The following DSCAM variants were observed in gnomAD, a reference collection of about 807,000 sequenced individuals.
DSCAM encodes DS cell adhesion molecule, also known as cell adhesion molecule DSCAM.
Under a neutral mutation model 217.7 loss-of-function variants are expected in DSCAM, and 47 were observed. That is an observed-to-expected ratio of 0.22 (90% CI 0.17 to 0.28). The LOEUF is 0.28. Ranked by LOEUF, DSCAM falls within the 10% of genes least tolerant of loss-of-function variation. The probability of loss-of-function intolerance (pLI) is 1.00; values close to 1 mark genes in which losing one functional copy is unlikely to be tolerated. For missense variants in DSCAM, 2,080 were observed against 2,618.3 expected, an observed-to-expected ratio of 0.79 and a Z score of 4.49; for synonymous variants, 1,056 against 1,015.3, an observed-to-expected ratio of 1.04 and a Z score of -0.76.
intron 1 of DSCAM, among the ~76,000 whole-genome samples, chr21:40,735,939 T>C (rs1016235787): frequency 9.9e-5 from 15 of 152,024 alleles, no homozygotes; most frequent in African/African-American, 1.7e-4. Context: ...TTCCCCGAGA[T>C]TGCCCTCACT....
chr21:40,831,205 T>A (rs1042587100), intron 1 of DSCAM, among the ~76,000 whole-genome samples: 1 of 152,240 alleles, frequency 6.6e-6, no homozygotes, highest in African/African-American at 2.4e-5. Context: ...AGAAGGCAAA[T>A]GTCCTTTCTC....
At chr21:40,598,502 T>TG (rs1171214661) in intron 3 of DSCAM, among the ~76,000 whole-genome samples, 1 of 132,196 alleles carries the variant, frequency 7.6e-6, no homozygotes, top group Non-Finnish European at 1.6e-5. Flanking sequence ...AAACTGTTTT[T>TG]TTTTTTTTTT....
At chr21:40,426,003 G>A (rs375760308) in intron 3 of DSCAM, among the ~76,000 whole-genome samples, 7 of 152,266 alleles carry the variant, frequency 4.6e-5, no homozygotes, top group East Asian at 3.9e-4. Flanking sequence ...TTGCTTGCTG[G>A]TCAATCAAGA....
At chr21:40,022,615 C>A (rs755517481) in intron 32 of DSCAM, among the ~76,000 whole-genome samples, 1 of 152,132 alleles carries the variant, frequency 6.6e-6, no homozygotes, top group African/African-American at 2.4e-5. Context: ...CATTGGCACC[C>A]GCTGAGGCAG....
intron 3 of DSCAM, among the ~76,000 whole-genome samples, chr21:40,482,879 T>C (rs553930320): frequency 1.3e-5 from 2 of 152,222 alleles, no homozygotes; most frequent in African/African-American, 4.8e-5. Flanking sequence ...GATGTGTGCT[T>C]GAACATGAGG....
Position 40,458,331 on chromosome 21 carries a change from A to G in DSCAM, c.509-89086T>C, listed in dbSNP as rs374483729. Among the ~76,000 whole-genome samples, 316 of 152,242 alleles carry G rather than the reference A, an allele frequency of 2.1e-3. 2 individuals are homozygous for G. Among genetic ancestry groups the G allele is most frequent in the South Asian group, 0.01 (49 of 4,826 alleles). ...TATCAGGATTTATGACCAAGAATTC[A>G]CTCTTGAATTACAAAGGAAACAAAA... is the stretch of plus-strand genomic sequence containing the variant. On this transcript the variant is annotated intron_variant, in intron 3 of 32. Coordinates refer to ENST00000400454, the MANE Select transcript of DSCAM (RefSeq NM_001389.5).
At chr21:40,109,844 C>A (rs890034786) in intron 20 of DSCAM, among the ~76,000 whole-genome samples, 6 of 152,212 alleles carry the variant, frequency 3.9e-5, no homozygotes, top group Admixed American at 2.0e-4. Context: ...TGAGATCAAA[C>A]TGCAAGGTGG....
chr21:40,746,300 T>A (rs1416982875), intron 1 of DSCAM, among the ~76,000 whole-genome samples: 1 of 149,996 alleles, frequency 6.7e-6, no homozygotes, highest in Non-Finnish European at 1.5e-5. Context: ...ATATGCTGTC[T>A]ACAAGAGATC....
intron 32 of DSCAM, among the ~76,000 whole-genome samples, chr21:40,035,626 G>A (rs568931348): frequency 2.0e-5 from 3 of 147,200 alleles, no homozygotes; most frequent in Admixed American, 2.0e-4. Context: ...AGTCAACAAG[G>A]ATACCCAGGA....
chr21:40,647,200 T>C (rs535454594), intron 3 of DSCAM, among the ~76,000 whole-genome samples: 2 of 152,350 alleles, frequency 1.3e-5, no homozygotes, highest in East Asian at 3.9e-4. Context: ...ATGTCTACAC[T>C]AATCATAGCT....
At chr21:40,683,891 G>C (rs185288010) in intron 3 of DSCAM, among the ~76,000 whole-genome samples, 1 of 152,042 alleles carries the variant, frequency 6.6e-6, no homozygotes, top group African/African-American at 2.4e-5. Context: ...ATACAGACGC[G>C]GGCGCAAAAA....
intron 9 of DSCAM, among the ~76,000 whole-genome samples, chr21:40,303,442 C>T (rs972516711): frequency 1.8e-4 from 27 of 152,108 alleles, no homozygotes; most frequent in Middle Eastern, 3.2e-3. Flanking sequence ...AGAAAGCCTT[C>T]CCCTGCCCAG....
intron 3 of DSCAM, among the ~76,000 whole-genome samples, chr21:40,589,327 C>T (rs1015836726): frequency 1.3e-5 from 2 of 152,182 alleles, no homozygotes; most frequent in South Asian, 2.1e-4. Context: ...CCTGTAATCC[C>T]GGCACTTTGG....
intron 4 of DSCAM, among the ~76,000 whole-genome samples, chr21:40,360,295 G>C (rs905096785): frequency 1.3e-5 from 2 of 151,750 alleles, no homozygotes; most frequent in African/African-American, 4.8e-5. Context: ...ACCACGCCCG[G>C]CTAATTTTTT....
chr21:40,817,650 T>C (rs2091891465), intron 1 of DSCAM, among the ~76,000 whole-genome samples: 1 of 152,206 alleles, frequency 6.6e-6, no homozygotes, highest in Non-Finnish European at 1.5e-5. Context: ...CTCCCAAGAC[T>C]TAAAAATCTC....
Position 40,348,897 on chromosome 21 carries a change from T to C in DSCAM, c.935-952A>G, listed in dbSNP as rs1047190920. ...TGGCTCACACCTGTAATCCCAGCAC[T>C]TTGTGAGGCCAAAGTGGGAGGATCA... On this transcript the variant is annotated intron_variant, in intron 5 of 32. Transcript: ENST00000400454. Among the ~76,000 whole-genome samples the C allele has an allele frequency of 1.3e-5, 2 of 151,918 alleles. 1 individual carries two copies. The highest frequency in any genetic ancestry group is 4.2e-4 in the South Asian group (2 of 4,806).
chr21:40,294,650 C>A (rs547182615), intron 10 of DSCAM, among the ~76,000 whole-genome samples: 22 of 152,038 alleles, frequency 1.4e-4, no homozygotes, highest in African/African-American at 5.1e-4. Flanking sequence ...ACCTGCATAA[C>A]GACAGGCATT....
intron 11 of DSCAM, among the ~76,000 whole-genome samples, chr21:40,241,987 G>C (rs1026301570): frequency 1.3e-5 from 2 of 152,056 alleles, no homozygotes; most frequent in Non-Finnish European, 2.9e-5. Context: ...CAGACACTGG[G>C]TTCTACTTGA....
intron 19 of DSCAM, among the ~76,000 whole-genome samples, chr21:40,126,124 G>A (rs537172808): frequency 2.6e-5 from 4 of 152,212 alleles, no homozygotes; most frequent in Non-Finnish European, 5.9e-5. Context: ...AGAGAAAGCT[G>A]TTTCTATGAC....
Sources: allele counts gnomAD v4.1 joint callset (sites outside exome capture counted in the v4.1 genomes callset), GRCh38; gene constraint gnomAD v4.1.1; transcripts MANE v1.5; gene names NCBI Gene and HGNC (gene_info 2026-07-23, HGNC 2026-07-21).